The following PTPRM variants were observed in gnomAD, a reference collection of about 807,000 sequenced individuals.
PTPRM encodes the protein receptor-type tyrosine-protein phosphatase mu.
Under a neutral mutation model 186.7 loss-of-function variants are expected in PTPRM, and 47 were observed. The ratio of observed to expected loss-of-function variants is 0.25; its 90% confidence interval spans 0.20 to 0.32. The LOEUF is 0.32. Among genes scored for constraint, PTPRM ranks in the 10% least tolerant of loss-of-function variants. The pLI is 1.00. For synonymous variants in PTPRM, 668 were observed against 674.9 expected (o/e 0.99, Z 0.16); for missense variants, 1,494 against 1,865.0 (o/e 0.80, Z 3.66).
At chr18:7,865,538 C>G (rs550116493) in intron 2 of PTPRM, among the ~76,000 whole-genome samples, 1 of 152,154 alleles carries the variant, frequency 6.6e-6, no homozygotes, top group African/African-American at 2.4e-5. Context: ...ATGAAGCTGA[C>G]TTGATCATGG....
intron 14 of PTPRM, among the ~76,000 whole-genome samples, chr18:8,170,662 T>TA (rs1281784217): frequency 6.6e-6 from 1 of 152,130 alleles, no homozygotes; most frequent in Admixed American, 6.5e-5. Context: ...AGAAACTCAT[T>TA]AAGGGAGCAA....
chr18:8,290,326 A>G (rs533930193), intron 19 of PTPRM, among the ~76,000 whole-genome samples: 14 of 152,256 alleles, frequency 9.2e-5, no homozygotes, highest in South Asian at 6.2e-4. Context: ...CTGCCTGAAA[A>G]CATACTGCAC....
At chr18:8,329,923 T>C (rs1054635424) in intron 22 of PTPRM, among the ~76,000 whole-genome samples, 4 of 152,068 alleles carry the variant, frequency 2.6e-5, no homozygotes, top group African/African-American at 9.7e-5. Flanking sequence ...CTCAGCCTCC[T>C]GAGTAGCTAG....
chr18:7,766,662 C>A (rs933953153), intron 1 of PTPRM, among the ~76,000 whole-genome samples: 2 of 152,168 alleles, frequency 1.3e-5, no homozygotes, highest in East Asian at 3.9e-4. Context: ...GGCGACCCTG[C>A]GTTGTGCCCT....
intron 2 of PTPRM, among the ~76,000 whole-genome samples, chr18:7,867,065 T>A (rs1402703273): frequency 6.6e-6 from 1 of 152,222 alleles, no homozygotes; most frequent in Admixed American, 6.5e-5. Context: ...TATTCCTCCA[T>A]CCCTTTATTT....
At chr18:7,948,599 G>A (rs941699239) in intron 5 of PTPRM, among the ~76,000 whole-genome samples, 15 of 152,258 alleles carry the variant, frequency 9.9e-5, no homozygotes, top group East Asian at 9.6e-4. Context: ...CTCTTGTTAC[G>A]TATGAATGTC....
chr18:7,655,652 A>C (rs11665230), intron 1 of PTPRM, among the ~76,000 whole-genome samples: 2 of 152,232 alleles, frequency 1.3e-5, no homozygotes, highest in Non-Finnish European at 2.9e-5. Flanking sequence ...GATGTCTTTT[A>C]CCAGGTGACT....
intron 14 of PTPRM, among the ~76,000 whole-genome samples, chr18:8,156,722 T>G (rs2093129106): frequency 6.6e-6 from 1 of 152,208 alleles, no homozygotes; most frequent in East Asian, 1.9e-4. Flanking sequence ...GACAACACCG[T>G]GCAGTCATCA....
rs151324802 is a variant in PTPRM at position 8,392,439 on chromosome 18, A to G, written c.4209-2037A>G. 9.3e-3 allele frequency among the ~76,000 whole-genome samples: 1,408 copies of G among 152,204 alleles called. 22 individuals are homozygous for G. The highest frequency in any genetic ancestry group is 0.032 in the African/African-American group (1,325 of 41,522). On this transcript the variant is annotated intron_variant, in intron 31 of 32. Transcript: ENST00000580170. ...GGAGATTGAGACTATCCTGGCTAAC[A>G]CGGTGAAACCCCATCTCTACTAAAA...
intron 14 of PTPRM, among the ~76,000 whole-genome samples, chr18:8,176,370 A>G (rs2093482137): frequency 6.6e-6 from 1 of 152,246 alleles, no homozygotes; most frequent in African/African-American, 2.4e-5. Flanking sequence ...GCCTGAAGGC[A>G]GGGAGTTGGA....
At chr18:7,942,184 G>A (rs535402972) in intron 5 of PTPRM, among the ~76,000 whole-genome samples, 4 of 151,672 alleles carry the variant, frequency 2.6e-5, no homozygotes, top group South Asian at 4.2e-4. Context: ...CTGGGAGGCT[G>A]AGGCAGGAAA....
intron 7 of PTPRM, among the ~76,000 whole-genome samples, chr18:7,983,001 A>G (rs751498522): frequency 2.0e-5 from 3 of 152,080 alleles, no homozygotes; most frequent in Admixed American, 6.6e-5. Context: ...CGATTCTGGC[A>G]TTCTCTTCCC....
At chr18:7,925,994 A>G (rs746109492) in intron 4 of PTPRM, among the ~76,000 whole-genome samples, 3 of 152,250 alleles carry the variant, frequency 2.0e-5, no homozygotes, top group Non-Finnish European at 4.4e-5. Flanking sequence ...AAACATTGCC[A>G]TGCTATGGCA....
intron 1 of PTPRM, among the ~76,000 whole-genome samples, chr18:7,759,744 A>G (rs1276938957): frequency 6.6e-6 from 1 of 152,318 alleles, no homozygotes; most frequent in African/African-American, 2.4e-5. Flanking sequence ...AGGACTGGCT[A>G]TGTGAAGCCA....
chr18:7,873,907 G>C, intron 2 of PTPRM, among the ~76,000 whole-genome samples: 1 of 152,184 alleles, frequency 6.6e-6, no homozygotes, highest in South Asian at 2.1e-4. Context: ...AATCTGACTT[G>C]TAGGACTCTC....
At chr18:8,182,020 C>T (rs1036586208) in intron 14 of PTPRM, among the ~76,000 whole-genome samples, 11 of 152,090 alleles carry the variant, frequency 7.2e-5, no homozygotes, top group African/African-American at 2.4e-4. Context: ...GCCTTTGATG[C>T]TTTCAGTTCT....
At chr18:8,186,919 CA>C (rs1434347701) in intron 14 of PTPRM, among the ~76,000 whole-genome samples, 2 of 150,466 alleles carry the variant, frequency 1.3e-5, no homozygotes, top group African/African-American at 2.4e-5. Context: ...TTAGAGTGGG[CA>C]AGGAGGGCCT....
At chr18:7,587,764 G>A (rs564891069) in intron 1 of PTPRM, among the ~76,000 whole-genome samples, 114 of 152,214 alleles carry the variant, frequency 7.5e-4, no homozygotes, top group African/African-American at 2.7e-3. Context: ...ACCCACATAT[G>A]TATAGTTAAA....
chr18:8,314,458 G>C (rs1712259805), intron 20 of PTPRM, among the ~76,000 whole-genome samples: 2 of 152,200 alleles, frequency 1.3e-5, no homozygotes, highest in African/African-American at 4.8e-5. Flanking sequence ...TAGTGAAGTT[G>C]CTCAAACTTC....
Sources: gnomAD v4.1 joint callset for allele counts (sites outside exome capture counted in the v4.1 genomes callset) on GRCh38, gnomAD v4.1.1 for gene constraint, MANE v1.5 for transcripts, NCBI Gene and HGNC (gene_info 2026-07-23, HGNC 2026-07-21) for gene names.